The following SLC12A5 variants were observed in gnomAD, a reference collection of about 807,000 sequenced individuals.
SLC12A5 encodes the protein solute carrier family 12 member 5, also known as K-Cl cotransporter 2.
SLC12A5 carries 18 observed loss-of-function variants against 124.0 expected under a neutral mutation model. That is an observed-to-expected ratio of 0.15 (90% confidence interval 0.10 to 0.22). The LOEUF (loss-of-function observed/expected upper bound fraction) is 0.22. Ranked by LOEUF, SLC12A5 falls within the 10% of genes least tolerant of loss-of-function variation. SLC12A5 has a pLI of 1.00. For synonymous variants in SLC12A5, 589 were observed against 568.0 expected (o/e 1.04, Z -0.53); for missense variants, 867 against 1,478.7 (o/e 0.59, Z 6.78).
chr20:46,029,527 T>G lies in SLC12A5; in HGVS notation c.52+131T>G. On this transcript the variant is annotated intron_variant, in intron 1 of 25. Transcript: ENST00000243964. ...ACTGACCCGGGCGGTGGGCGCCAGT[T>G]GCAGCCTGGAGCTCAGCTCCATTGG... 3 of 989,564 alleles carry G rather than the reference T, an allele frequency of 3.0e-6. No individual in the cohort carries two copies. The South Asian group carries it at 5.1e-5, about 17-fold the overall frequency. 61.3% of individuals were successfully genotyped at this position (989,564 alleles called of 1,614,324 possible). A position where few individuals can be genotyped will look rare whatever the true frequency, so the allele number is the denominator to read the frequency against.
chr20:46,043,063 C>T, intron 8 of SLC12A5, 90 bp from the exon 9 acceptor site: 1 of 1,280,218 alleles, frequency 7.8e-7, no homozygotes. Context: ...TTGATCTTGA[C>T]CCTGACTTTT....
At chr20:46,044,818 G>A in intron 11 of SLC12A5, 148 bp from the exon 12 acceptor site, 1 of 833,514 alleles carries the variant, frequency 1.2e-6, no homozygotes, top group Non-Finnish European at 1.9e-6. Flanking sequence ...AAAAACAATG[G>A]AACATTTGGG....
intron 16 of SLC12A5, among the ~76,000 whole-genome samples, chr20:46,048,498 G>C (rs1258015205): frequency 3.9e-5 from 6 of 152,176 alleles, no homozygotes; most frequent in Non-Finnish European, 8.8e-5. Flanking sequence ...CTCTGAGACA[G>C]GTGGAATCGT....
chr20:46,043,366 A>T (rs779904949), intron 9 of SLC12A5, 43 bp downstream of exon 9: 5 of 1,597,168 alleles, frequency 3.1e-6, no homozygotes, highest in Admixed American at 1.7e-5. Context: ...CTGTGAGTGG[A>T]TGGGGAAGAG....
Position 46,021,882 on chromosome 20 carries a change from CA to C in SLC12A5, c.47del (p.Val17TrpfsTer61). On this transcript the variant is annotated frameshift_variant, in exon 1 of 3. Coordinates refer to the SLC12A5 transcript ENST00000413737. LOFTEE classifies it high-confidence loss of function. Reference sequence around the variant, plus strand: ...CCCGCCACCTCCCGGGGGAAGACGTCAAAGGTAGAGGCCGCAGGGGGCGGGG... The same window carrying C: ...CCCGCCACCTCCCGGGGGAAGACGTCAAGGTAGAGGCCGCAGGGGGCGGGG... 1 of 1,526,778 alleles carries C rather than the reference CA, an allele frequency of 6.5e-7. No homozygotes were observed. Among genetic ancestry groups the C allele is most frequent in the Non-Finnish European group, 8.7e-7 (1 of 1,143,258 alleles). The allele number at this position is 1,526,778 out of a possible 1,614,324, so 94.6% of individuals were successfully genotyped here.
chr20:46,053,717 C>T lies in SLC12A5; in HGVS notation c.2679+8C>T, dbSNP rs771536557. The T allele has an allele frequency of 7.0e-6, 11 of 1,570,818 alleles. No individual in the cohort carries two copies. Among genetic ancestry groups the T allele is most frequent in the African/African-American group, 1.4e-5 (1 of 73,758 alleles). On this transcript the variant is annotated splice_region_variant and intron_variant, in intron 20 of 25. Transcript: ENST00000243964. The surrounding 1 kb of genome is among the most constrained non-coding windows in gnomAD (Gnocchi z 4.7). ...GTCGAGGTGGTGGAGATGGTGAGTCCCCAGGAGACACCGCTGGGGTTCCAC... is the reference window on the plus strand; with the variant it reads ...GTCGAGGTGGTGGAGATGGTGAGTCTCCAGGAGACACCGCTGGGGTTCCAC...
At position 46,053,496 on chromosome 20, in the gene SLC12A5, A is replaced by G. The variant is rs998628015; in HGVS notation, c.2548-82A>G. 5.1e-6 allele frequency: 8 copies of G among 1,566,714 alleles called. No individual in the cohort carries two copies. The highest frequency in any genetic ancestry group is 1.7e-5 in the Admixed American group (1 of 58,768). ...GTGAGGAGTGGGTGGGAAGAGGGGAAGGGTGAGCGGACAGGGCCTGGCCCT... is the reference window on the plus strand; with the variant it reads ...GTGAGGAGTGGGTGGGAAGAGGGGAGGGGTGAGCGGACAGGGCCTGGCCCT... On this transcript the variant is annotated intron_variant, in intron 19 of 25. Transcript: ENST00000243964. This position sits in a 1 kb window ranked among gnomAD's most constrained non-coding sequence, Gnocchi z 4.7.
intron 15 of SLC12A5, 126 bp downstream of exon 15, chr20:46,047,699 G>A (rs1411850748): frequency 3.9e-6 from 5 of 1,267,282 alleles, no homozygotes; most frequent in East Asian, 2.4e-5. Context: ...GAGAGGATGG[G>A]GCTGGAGTAG....
Position 46,035,476 on chromosome 20 carries a change from G to A in SLC12A5, c.220G>A (p.Gly74Arg), listed in dbSNP as rs2084489130. ...GGCCAACTACACCAACCTGCCCCAG[G>A]GAAGTAGGGAGCATGAAGAGGCAGA... is the stretch of plus-strand genomic sequence containing the variant. Reference protein sequence around the residue: ...GLANYTNLPQGSREHEEAENN... With the variant: ...GLANYTNLPQRSREHEEAENN... Residue 74 changes from glycine (G) to arginine (R), a missense_variant, in exon 3 of 26, where the codon GGA (glycine) becomes AGA (arginine). Coordinates refer to ENST00000243964, the MANE Select transcript of SLC12A5 (RefSeq NM_020708.5). 6.2e-7 allele frequency: 1 copy of A among 1,613,752 alleles called. No individual in the cohort carries two copies. Among genetic ancestry groups the A allele is most frequent in the Admixed American group, 1.7e-5 (1 of 59,982 alleles).
At position 46,060,013 on chromosome 20, in the gene SLC12A5, G is replaced by A; in HGVS notation, c.*2408G>A. 5.4e-6 allele frequency: 1 copy of A among 186,600 alleles called. No individual in the cohort carries two copies. Among genetic ancestry groups the A allele is most frequent in the Non-Finnish European group, 1.1e-5 (1 of 90,768 alleles). The allele number at this position is 186,600 out of a possible 1,614,324, so 11.6% of individuals were successfully genotyped here. ...TCAGTATTGATCTTGTGTTCTTTGTGCCAATATGAAAAGGAGAGGGTTGGT... is the reference window on the plus strand; with the variant it reads ...TCAGTATTGATCTTGTGTTCTTTGTACCAATATGAAAAGGAGAGGGTTGGT... On this transcript the variant is annotated 3_prime_UTR_variant, in exon 26 of 26. Transcript: ENST00000243964.
intron 8 of SLC12A5, among the ~76,000 whole-genome samples, chr20:46,042,248 G>A (rs1157494602): frequency 6.6e-6 from 1 of 152,204 alleles, no homozygotes; most frequent in Non-Finnish European, 1.5e-5. Flanking sequence ...AAGGCAATGA[G>A]GAGCCACCAA....
chr20:46,028,516 C>T (rs892375579), upstream of SLC12A5, among the ~76,000 whole-genome samples: 2 of 152,162 alleles, frequency 1.3e-5, no homozygotes, highest in Admixed American at 1.3e-4. Flanking sequence ...GAGAGAGTTC[C>T]TTGGAACTTC....
In SLC12A5 at chr20:46,041,503, C is replaced by A. The variant is rs984154482; in HGVS notation, c.1029C>A (p.Ile343=). The A allele has an allele frequency of 6.2e-7, 1 of 1,614,100 alleles. No homozygotes were observed. The highest frequency in any genetic ancestry group is 8.5e-7 in the Non-Finnish European group (1 of 1,180,010). The change falls in exon 8 of 26, where the codon ATC becomes ATA. Residue 343 remains isoleucine, a synonymous_variant. Transcript: ENST00000243964. ...TCACCCGAAACAATGTCACAGAGAT[C>A]CAGGGCATCCCTGGTGCTGCCAGTG... is the stretch of plus-strand genomic sequence containing the variant. ...EYFTRNNVTE[I]QGIPGAASGL...
chr20:46,056,371 C>T lies in SLC12A5; in HGVS notation c.2917C>T (p.Leu973=). The part of the protein sequence containing the change: ...SEEKPEEEVQ[L]IHDQSAPSCP... ...CGCTTCATTCATCCCTCAGGTGCAGCTGATCCACGATCAGAGTGCTCCCAG... is the reference window on the plus strand; with the variant it reads ...CGCTTCATTCATCCCTCAGGTGCAGTTGATCCACGATCAGAGTGCTCCCAG... Residue 973 remains leucine (L), a synonymous_variant, in exon 23 of 26, where the codon CTG becomes TTG. Transcript: ENST00000243964. This position sits in a 1 kb window ranked among gnomAD's most constrained non-coding sequence, Gnocchi z 4.3. The T allele has an allele frequency of 1.2e-6, 2 of 1,609,856 alleles. No individual in the cohort carries two copies. The highest frequency in any genetic ancestry group is 1.7e-6 in the Non-Finnish European group (2 of 1,177,620).
At chr20:46,049,216 G>A (rs1057274132) in intron 16 of SLC12A5, among the ~76,000 whole-genome samples, 12 of 152,172 alleles carry the variant, frequency 7.9e-5, no homozygotes, top group South Asian at 2.1e-4. Context: ...GGACTAAGAC[G>A]GCTAAATGAC....
chr20:46,027,509 G>A (rs1466475766), upstream of SLC12A5, among the ~76,000 whole-genome samples: 1 of 152,220 alleles, frequency 6.6e-6, no homozygotes, highest in Non-Finnish European at 1.5e-5. Flanking sequence ...GGCTCTTTAG[G>A]ATTTTTGCAG....
At chr20:46,042,785 T>A (rs377065008) in intron 8 of SLC12A5, among the ~76,000 whole-genome samples, 1 of 151,764 alleles carries the variant, frequency 6.6e-6, no homozygotes, top group Non-Finnish European at 1.5e-5. Context: ...GGTGTCAGAA[T>A]TGATGATGGT....
At chr20:46,046,510 C>T (rs953356292) in intron 14 of SLC12A5, 74 bp downstream of exon 14, 14 of 1,354,158 alleles carry the variant, frequency 1.0e-5, no homozygotes, top group Non-Finnish European at 1.5e-5. Flanking sequence ...TACTCCAGTC[C>T]ATCCCCTCTG....
chr20:46,032,911 C>T (rs2145479394), intron 1 of SLC12A5, among the ~76,000 whole-genome samples: 1 of 152,304 alleles, frequency 6.6e-6, no homozygotes, highest in East Asian at 1.9e-4. Context: ...GAACTTAGCT[C>T]CAAAGACTTT....
Sources: gnomAD v4.1 joint callset for allele counts (sites outside exome capture counted in the v4.1 genomes callset) on GRCh38, gnomAD v4.1.1 for gene constraint, Gnocchi (gnomAD v3.1) non-coding constraint, MANE v1.5 for transcripts, NCBI Gene and HGNC (gene_info 2026-07-23, HGNC 2026-07-21) for gene names.